The following GRAP2 variants were observed in gnomAD, a reference collection of about 807,000 sequenced individuals.
GRAP2 encodes GRB2-related adapter protein 2.
In GRAP2, 31 loss-of-function variants were observed where a neutral mutation model predicts 43.5. That is an observed-to-expected ratio of 0.71 (90% CI 0.54 to 0.96). GRAP2 has a LOEUF of 0.96. GRAP2 is among the 40% of genes least tolerant of loss of function. GRAP2 has a pLI of 0.00. For missense variants in GRAP2, 371 were observed against 424.4 expected, an observed-to-expected ratio of 0.87 and a Z score of 1.11; for synonymous variants, 156 against 164.8, an observed-to-expected ratio of 0.95 and a Z score of 0.41.
chr22:39,964,849 G>C (rs1359912382), intron 4 of GRAP2: 2 of 301,810 alleles, frequency 6.6e-6, no homozygotes, highest in South Asian at 8.3e-5. Context: ...TTTGGTCGTT[G>C]TTCTACCCTA....
intron 3 of GRAP2, 146 bp downstream of exon 3, chr22:39,956,056 G>T (rs2067046658): frequency 1.7e-6 from 1 of 584,584 alleles, no homozygotes; most frequent in Non-Finnish European, 3.2e-6. Flanking sequence ...TCCAGAGCAT[G>T]CAGCTGAAGG....
intron 4 of GRAP2, among the ~76,000 whole-genome samples, chr22:39,965,566 TG>T (rs551201025): frequency 6.7e-4 from 102 of 152,340 alleles, no homozygotes; most frequent in African/African-American, 2.4e-3. Context: ...TGCTAGCTTA[TG>T]GGCTTAAAGG....
intron 5 of GRAP2, 82 bp downstream of exon 5, chr22:39,966,240 A>G: frequency 4.7e-6 from 5 of 1,054,158 alleles, no homozygotes; most frequent in Non-Finnish European, 7.2e-6. Flanking sequence ...AAAAATGCAT[A>G]GGATGGGTAG....
At chr22:39,963,312 G>A (rs2145671784) in intron 4 of GRAP2, among the ~76,000 whole-genome samples, 1 of 152,228 alleles carries the variant, frequency 6.6e-6, no homozygotes, top group East Asian at 1.9e-4. Context: ...CAATGGTCAG[G>A]CCATCCTCTC....
At chr22:39,914,730 CA>C (rs1433433057) in intron 1 of GRAP2, among the ~76,000 whole-genome samples, 3 of 152,068 alleles carry the variant, frequency 2.0e-5, no homozygotes, top group Non-Finnish European at 4.4e-5. Flanking sequence ...AAAGTAGTCG[CA>C]AAAGTGCACC....
chr22:39,924,311 TC>T (rs1230447240), intron 1 of GRAP2, among the ~76,000 whole-genome samples: 2 of 152,224 alleles, frequency 1.3e-5, no homozygotes, highest in Admixed American at 1.3e-4. Flanking sequence ...TCGCTTTTTT[TC>T]CTAGAAGAGG....
At chr22:39,917,300 C>A (rs560084163) in intron 1 of GRAP2, among the ~76,000 whole-genome samples, 2 of 152,158 alleles carry the variant, frequency 1.3e-5, no homozygotes, top group African/African-American at 4.8e-5. Flanking sequence ...CCAAAGCCCC[C>A]CTCTCTACAA....
At position 39,922,974 on chromosome 22, in the gene GRAP2, G is replaced by A. The variant is rs576925627; in HGVS notation, c.-15+21644G>A. Among the ~76,000 whole-genome samples the A allele has an allele frequency of 6.6e-5, 10 of 152,062 alleles. No homozygotes were observed. The South Asian group carries it at 8.3e-4, about 13-fold the overall frequency. On this transcript the variant is annotated intron_variant, in intron 1 of 7. Transcript: ENST00000344138. The stretch of plus-strand genomic sequence containing the variant: ...GGAGAATTGCTTGAACCTAGGAGGC[G>A]GAGGTTGCAGTGAGCCGAGATTGCT...
At chr22:39,897,668 C>G (rs750860855), upstream of GRAP2, among the ~76,000 whole-genome samples, 2 of 151,836 alleles carry the variant, frequency 1.3e-5, no homozygotes, top group Admixed American at 1.3e-4. Context: ...TACAGGCATG[C>G]GCCACCATGC....
intron 3 of GRAP2, among the ~76,000 whole-genome samples, chr22:39,957,042 A>C (rs1184290342): frequency 6.6e-6 from 1 of 152,170 alleles, no homozygotes; most frequent in African/African-American, 2.4e-5. Flanking sequence ...CTCTTCCTAA[A>C]GAGGAAATGA....
At chr22:39,906,056 A>G (rs2066520817) in intron 1 of GRAP2, among the ~76,000 whole-genome samples, 1 of 152,218 alleles carries the variant, frequency 6.6e-6, no homozygotes, top group Admixed American at 6.5e-5. Context: ...TTGGAACAGA[A>G]AAGAGTAGGA....
upstream of GRAP2, among the ~76,000 whole-genome samples, chr22:39,899,725 G>A (rs141833096): frequency 7.9e-5 from 12 of 152,300 alleles, no homozygotes; most frequent in East Asian, 2.1e-3. Context: ...GCTCATGCCT[G>A]TAATCCCAGC....
At chr22:39,949,642 G>T (rs1394781192) in intron 2 of GRAP2, among the ~76,000 whole-genome samples, 1 of 152,170 alleles carries the variant, frequency 6.6e-6, no homozygotes, top group Non-Finnish European at 1.5e-5. Context: ...ACTAACCATG[G>T]AGACTGGGGC....
chr22:39,907,118 C>T (rs745972891), intron 1 of GRAP2, among the ~76,000 whole-genome samples: 11 of 151,820 alleles, frequency 7.2e-5, no homozygotes, highest in Non-Finnish European at 1.2e-4. Flanking sequence ...ATTGAGACAA[C>T]TAAGAAAATT....
chr22:39,942,709 G>A (rs985290751), intron 1 of GRAP2, among the ~76,000 whole-genome samples: 3 of 152,094 alleles, frequency 2.0e-5, no homozygotes, highest in African/African-American at 7.2e-5. Context: ...AGAATCCTGT[G>A]AGCTAAAGAG....
At chr22:39,968,021 C>T (rs2067192544) in intron 5 of GRAP2, 21 bp from the exon 6 acceptor site, 2 of 1,604,856 alleles carry the variant, frequency 1.2e-6, no homozygotes, top group African/African-American at 1.3e-5. Flanking sequence ...GCATCTGCAG[C>T]ATCTCTGTTC....
chr22:39,913,164 G>A (rs1422110553), intron 1 of GRAP2, among the ~76,000 whole-genome samples: 1 of 146,914 alleles, frequency 6.8e-6, no homozygotes, highest in Non-Finnish European at 1.5e-5. Context: ...CTGCACTACA[G>A]CCTGGGTGAC....
At chr22:39,906,634 T>C (rs983067791) in intron 1 of GRAP2, among the ~76,000 whole-genome samples, 7 of 152,238 alleles carry the variant, frequency 4.6e-5, no homozygotes, top group Non-Finnish European at 7.3e-5. Context: ...TTTATGTTTT[T>C]TAATGAAAAG....
At chr22:39,910,952 A>T (rs1035234189) in intron 1 of GRAP2, among the ~76,000 whole-genome samples, 2 of 152,064 alleles carry the variant, frequency 1.3e-5, no homozygotes, top group African/African-American at 4.8e-5. Flanking sequence ...TCTCTTTCCT[A>T]TCCATAAATT....
Sources: allele counts gnomAD v4.1 joint callset (sites outside exome capture counted in the v4.1 genomes callset), GRCh38; gene constraint gnomAD v4.1.1; transcripts MANE v1.5; gene names NCBI Gene and HGNC (gene_info 2026-07-23, HGNC 2026-07-21).